Variants in HIPK2 observed in about 807,000 individuals in gnomAD.
HIPK2 encodes homeodomain interacting protein kinase 2.
Under a neutral mutation model 113.7 loss-of-function variants are expected in HIPK2, and 27 were observed. The ratio of observed to expected loss-of-function variants is 0.24; its 90% CI spans 0.17 to 0.33. The LOEUF (loss-of-function observed/expected upper bound fraction) is 0.33. Ranked by LOEUF, HIPK2 falls within the 10% of genes least tolerant of loss-of-function variation. HIPK2 has a pLI of 1.00. For synonymous variants in HIPK2, 631 were observed against 642.2 expected, an observed-to-expected ratio of 0.98 and a Z score of 0.26; for missense variants, 1,257 against 1,588.0, an observed-to-expected ratio of 0.79 and a Z score of 3.54.
intron 2 of HIPK2, among the ~76,000 whole-genome samples, chr7:139,640,515 TAAACAGAGCATCATA>T (rs1337132581): frequency 6.6e-6 from 1 of 152,212 alleles, no homozygotes; most frequent in Non-Finnish European, 1.5e-5. Flanking sequence ...AAGACTAGGT[TAAACAGAGCATCATA>T]GGGGGGCACC....
At chr7:139,635,011 CAAA>C (rs1184361187) in intron 2 of HIPK2, among the ~76,000 whole-genome samples, 1 of 152,030 alleles carries the variant, frequency 6.6e-6, no homozygotes, top group Non-Finnish European at 1.5e-5. Context: ...AGAACACTAC[CAAA>C]AAAAGTATTA....
At chr7:139,660,560 T>G (rs1439608579) in intron 2 of HIPK2, among the ~76,000 whole-genome samples, 2 of 152,224 alleles carry the variant, frequency 1.3e-5, no homozygotes, top group Non-Finnish European at 2.9e-5. Flanking sequence ...TCGGTTGGGC[T>G]GTTATTGCCA....
intron 2 of HIPK2, among the ~76,000 whole-genome samples, chr7:139,656,754 G>A (rs939293677): frequency 2.0e-5 from 3 of 152,070 alleles, no homozygotes; most frequent in African/African-American, 7.2e-5. Context: ...CCTGTCATTT[G>A]TGCACACCGC....
At chr7:139,686,464 A>G (rs1569474294) in intron 2 of HIPK2, among the ~76,000 whole-genome samples, 1 of 152,136 alleles carries the variant, frequency 6.6e-6, no homozygotes, top group African/African-American at 2.4e-5. Context: ...ATCATCCCCA[A>G]GTGTTGTGAG....
intron 2 of HIPK2, among the ~76,000 whole-genome samples, chr7:139,661,848 A>C (rs565371458): frequency 6.6e-6 from 1 of 152,282 alleles, no homozygotes; most frequent in South Asian, 2.1e-4. Context: ...CTCTCCTAAG[A>C]TTGCATTAAC....
At chr7:139,639,501 G>A (rs1048475096) in intron 2 of HIPK2, among the ~76,000 whole-genome samples, 2 of 152,164 alleles carry the variant, frequency 1.3e-5, no homozygotes, top group African/African-American at 4.8e-5. Context: ...GGAGTTCACC[G>A]TCTAGCCAAG....
At chr7:139,703,833 C>T (rs1289278108) in intron 2 of HIPK2, among the ~76,000 whole-genome samples, 1 of 137,456 alleles carries the variant, frequency 7.3e-6, no homozygotes, top group African/African-American at 2.8e-5. Flanking sequence ...ACACATACAC[C>T]TCCCCCACAC....
At chr7:139,594,238 T>C (rs73156838) in intron 12 of HIPK2, among the ~76,000 whole-genome samples, 2,723 of 152,334 alleles carry the variant, frequency 0.018, 29 homozygotes, top group Middle Eastern at 0.034. Flanking sequence ...TGCTCATTTT[T>C]ATGGGACTGA....
chr7:139,701,077 T>C (rs1403525502), intron 2 of HIPK2, among the ~76,000 whole-genome samples: 5 of 152,240 alleles, frequency 3.3e-5, no homozygotes, highest in African/African-American at 1.2e-4. Flanking sequence ...GGGACCTGCA[T>C]GGCGTCCTGT....
chr7:139,734,529 C>A (rs771245732), intron 1 of HIPK2, among the ~76,000 whole-genome samples: 2 of 152,226 alleles, frequency 1.3e-5, no homozygotes, highest in African/African-American at 4.8e-5. Flanking sequence ...GGACTTTCCA[C>A]ACCCTGCCCC....
chr7:139,575,778 T>C (rs1049038498), intron 13 of HIPK2, among the ~76,000 whole-genome samples: 6 of 152,238 alleles, frequency 3.9e-5, no homozygotes, highest in African/African-American at 1.4e-4. Flanking sequence ...AGTTCATCAG[T>C]GCATTAATAT....
intron 13 of HIPK2, among the ~76,000 whole-genome samples, chr7:139,578,032 CAG>C (rs1798546387): frequency 6.6e-6 from 1 of 150,598 alleles, no homozygotes; most frequent in African/African-American, 2.4e-5. Context: ...TTTTTTGAGA[CAG>C]AGTCTCGCTC....
chr7:139,715,071 G>A (rs1329707832), intron 2 of HIPK2, among the ~76,000 whole-genome samples: 1 of 152,216 alleles, frequency 6.6e-6, no homozygotes, highest in Non-Finnish European at 1.5e-5. Flanking sequence ...CATGTCGGCA[G>A]CGGTTCCAAT....
chr7:139,752,189 A>G (rs1443111723), intron 1 of HIPK2, among the ~76,000 whole-genome samples: 3 of 152,146 alleles, frequency 2.0e-5, no homozygotes, highest in Non-Finnish European at 4.4e-5. Context: ...AGCTATTTCA[A>G]ATGGTCTCCA....
At chr7:139,614,140 T>C (rs1191050265) in intron 8 of HIPK2, 146 bp downstream of exon 8, 6 of 726,932 alleles carry the variant, frequency 8.3e-6, no homozygotes, top group Non-Finnish European at 1.2e-5. Context: ...AGGAGCCCTC[T>C]AGTTCAGTGA....
chr7:139,577,805 C>T (rs1479314448), intron 13 of HIPK2, among the ~76,000 whole-genome samples: 4 of 152,036 alleles, frequency 2.6e-5, no homozygotes, highest in Admixed American at 1.3e-4. Flanking sequence ...GCTGTCCTGC[C>T]TCCTTGGGCA....
chr7:139,583,631 T>C, intron 13 of HIPK2, 186 bp downstream of exon 13: 1 of 768,084 alleles, frequency 1.3e-6, no homozygotes, highest in Admixed American at 2.9e-5. Flanking sequence ...AAACGCTGCT[T>C]ATACAATGTG....
At chr7:139,721,025 G>C (rs1795392273) in intron 1 of HIPK2, among the ~76,000 whole-genome samples, 1 of 152,178 alleles carries the variant, frequency 6.6e-6, no homozygotes, top group Admixed American at 6.5e-5. Flanking sequence ...CAGATGCCCA[G>C]GATCAGACAG....
At chr7:139,764,776 A>G (rs1796526120) in intron 1 of HIPK2, among the ~76,000 whole-genome samples, 1 of 152,136 alleles carries the variant, frequency 6.6e-6, no homozygotes, top group African/African-American at 2.4e-5. Flanking sequence ...TGAGAGCAGC[A>G]CCCAGACAAA....
Sources: gnomAD v4.1 joint callset for allele counts (sites outside exome capture counted in the v4.1 genomes callset) on GRCh38, gnomAD v4.1.1 for gene constraint, MANE v1.5 for transcripts, NCBI Gene and HGNC (gene_info 2026-07-23, HGNC 2026-07-21) for gene names.